The following ADGRV1 variants were observed in gnomAD, a reference collection of about 807,000 sequenced individuals.
ADGRV1 encodes adhesion G protein-coupled receptor V1.
In ADGRV1, 359 loss-of-function variants were observed where a neutral mutation model predicts 596.2. The ratio of observed to expected loss-of-function variants is 0.60; its 90% confidence interval spans 0.55 to 0.66. The LOEUF (loss-of-function observed/expected upper bound fraction) is 0.66, where lower values mean the gene tolerates loss of function less well. Ranked by LOEUF, ADGRV1 falls within the 30% of genes least tolerant of loss-of-function variation. The pLI is 0.00. For missense variants in ADGRV1, 7,274 were observed against 7,575.6 expected, an observed-to-expected ratio of 0.96 and a Z score of 1.48; for synonymous variants, 2,681 against 2,679.2, an observed-to-expected ratio of 1.00 and a Z score of -0.02.
chr5:90,787,137 A>G (rs745424230), intron 67 of ADGRV1, among the ~76,000 whole-genome samples: 16 of 152,178 alleles, frequency 1.1e-4, no homozygotes, highest in African/African-American at 2.2e-4. Flanking sequence ...ACGACAGGAC[A>G]TGGTGTTTCA....
At chr5:91,006,847 G>A (rs780154936) in intron 85 of ADGRV1, among the ~76,000 whole-genome samples, 1 of 152,030 alleles carries the variant, frequency 6.6e-6, no homozygotes, top group African/African-American at 2.4e-5. Flanking sequence ...GACCCAGTTG[G>A]ACATTTTCAT....
intron 27 of ADGRV1, among the ~76,000 whole-genome samples, chr5:90,683,263 T>G (rs1286892354): frequency 1.3e-5 from 2 of 152,290 alleles, no homozygotes; most frequent in East Asian, 3.9e-4. Context: ...CAGGCTGGAG[T>G]GCAGTGACAC....
At chr5:90,749,037 C>T (rs1170579905) in intron 52 of ADGRV1, among the ~76,000 whole-genome samples, 1 of 152,178 alleles carries the variant, frequency 6.6e-6, no homozygotes, top group Non-Finnish European at 1.5e-5. Context: ...AACCGACATG[C>T]TCTGCTGTGT....
At chr5:90,615,882 T>G (rs1459416624) in intron 2 of ADGRV1, among the ~76,000 whole-genome samples, 1 of 152,018 alleles carries the variant, frequency 6.6e-6, no homozygotes, top group Non-Finnish European at 1.5e-5. Flanking sequence ...CTTAATGGTG[T>G]TGTAATTACT....
chr5:91,028,045 T>C (rs1443037892), intron 85 of ADGRV1, among the ~76,000 whole-genome samples: 2 of 151,710 alleles, frequency 1.3e-5, no homozygotes. Flanking sequence ...TTCTTTTTTT[T>C]TTTTTTTAAT....
At chr5:90,686,504 G>C (rs938097266) in intron 29 of ADGRV1, among the ~76,000 whole-genome samples, 5 of 151,994 alleles carry the variant, frequency 3.3e-5, no homozygotes, top group African/African-American at 1.2e-4. Context: ...TGAGAATGAT[G>C]ATTTCCAATT....
At chr5:90,863,110 A>G (rs1197202846) in intron 82 of ADGRV1, among the ~76,000 whole-genome samples, 1 of 152,242 alleles carries the variant, frequency 6.6e-6, no homozygotes, top group African/African-American at 2.4e-5. Flanking sequence ...ATAGGTTATC[A>G]TATGCAGCAC....
intron 85 of ADGRV1, among the ~76,000 whole-genome samples, chr5:91,070,916 A>G (rs1163650394): frequency 1.3e-5 from 2 of 152,196 alleles, no homozygotes; most frequent in African/African-American, 4.8e-5. Flanking sequence ...TGTGGAGATG[A>G]CAAGAGTGGA....
intron 58 of ADGRV1, among the ~76,000 whole-genome samples, chr5:90,760,518 G>T (rs141820722): frequency 4.3e-4 from 66 of 152,198 alleles, no homozygotes; most frequent in Non-Finnish European, 6.6e-4. Context: ...CTGCTTTACT[G>T]CCAGACCACC....
intron 78 of ADGRV1, among the ~76,000 whole-genome samples, chr5:90,843,840 CTAAA>C (rs569775340): frequency 1.5e-3 from 225 of 152,122 alleles, no homozygotes; most frequent in African/African-American, 5.2e-3. Context: ...AGGGGCCTGA[CTAAA>C]TGAATGCATG....
intron 40 of ADGRV1, 40 bp downstream of exon 40, chr5:90,711,099 A>G (rs1749282173): frequency 6.3e-7 from 1 of 1,575,704 alleles, no homozygotes; most frequent in Non-Finnish European, 8.7e-7. Context: ...TCTGGGTTTC[A>G]TATTATTTAC....
intron 29 of ADGRV1, 32 bp downstream of exon 29, chr5:90,686,027 CAGAG>C: frequency 7.0e-7 from 1 of 1,422,974 alleles, no homozygotes; most frequent in Non-Finnish European, 9.5e-7. Flanking sequence ...GCAGTACATA[CAGAG>C]GGATGTAAGC....
intron 70 of ADGRV1, among the ~76,000 whole-genome samples, chr5:90,800,935 G>A (rs1561761143): frequency 6.6e-6 from 1 of 152,260 alleles, no homozygotes; most frequent in South Asian, 2.1e-4. Flanking sequence ...GTGGGCACTA[G>A]GGGAGGGGTA....
intron 84 of ADGRV1, among the ~76,000 whole-genome samples, chr5:90,978,109 A>G (rs1039395258): frequency 2.0e-5 from 3 of 151,994 alleles, no homozygotes; most frequent in Admixed American, 6.6e-5. Flanking sequence ...ATCCTGGCTA[A>G]CACAGTGAAA....
intron 83 of ADGRV1, among the ~76,000 whole-genome samples, chr5:90,923,290 T>C (rs1401310172): frequency 6.6e-6 from 1 of 152,108 alleles, no homozygotes; most frequent in African/African-American, 2.4e-5. Context: ...CTAATGTATA[T>C]AAAGGATAAT....
chr5:90,854,970 A>C (rs933500324), intron 81 of ADGRV1, among the ~76,000 whole-genome samples: 1 of 152,208 alleles, frequency 6.6e-6, no homozygotes, highest in Non-Finnish European at 1.5e-5. Flanking sequence ...AACAAATCTT[A>C]AACCTAATAA....
intron 85 of ADGRV1, among the ~76,000 whole-genome samples, chr5:91,037,882 G>A (rs1785036858): frequency 6.6e-6 from 1 of 152,112 alleles, no homozygotes; most frequent in African/African-American, 2.4e-5. Context: ...TTCCACACTT[G>A]ACCTCATGTG....
intron 59 of ADGRV1, among the ~76,000 whole-genome samples, chr5:90,773,043 C>A (rs1391000706): frequency 6.6e-6 from 1 of 152,050 alleles, no homozygotes; most frequent in Non-Finnish European, 1.5e-5. Flanking sequence ...TTAACGCACA[C>A]CTGTAATCCT....
At chr5:90,787,129 G>C (rs928548208) in intron 67 of ADGRV1, among the ~76,000 whole-genome samples, 3 of 152,160 alleles carry the variant, frequency 2.0e-5, no homozygotes, top group Non-Finnish European at 4.4e-5. Context: ...AAGCCAAGAC[G>C]ACAGGACATG....
Sources: allele counts gnomAD v4.1 joint callset (sites outside exome capture counted in the v4.1 genomes callset), GRCh38; gene constraint gnomAD v4.1.1; transcripts MANE v1.5; gene names NCBI Gene and HGNC (gene_info 2026-07-23, HGNC 2026-07-21).